Variants in RPS6KA2 observed in about 807,000 individuals in gnomAD.
RPS6KA2 encodes the protein ribosomal protein S6 kinase A2.
RPS6KA2 carries 42 observed loss-of-function variants against 91.8 expected under a neutral mutation model. The observed-to-expected ratio is 0.46, with a 90% CI of 0.36 to 0.59. The LOEUF (loss-of-function observed/expected upper bound fraction) is 0.59. RPS6KA2 is among the 20% of genes least tolerant of loss of function. The probability of loss-of-function intolerance (pLI) is 0.00; values close to 1 mark genes in which losing one functional copy is unlikely to be tolerated. For missense variants in RPS6KA2, 798 were observed against 978.5 expected, an observed-to-expected ratio of 0.82 and a Z score of 2.46; for synonymous variants, 414 against 393.6, an observed-to-expected ratio of 1.05 and a Z score of -0.61.
intron 2 of RPS6KA2, among the ~76,000 whole-genome samples, chr6:166,672,413 T>C (rs1247598370): frequency 1.3e-5 from 2 of 152,210 alleles, no homozygotes; most frequent in Non-Finnish European, 2.9e-5. Context: ...ATTAAAAAGA[T>C]ACTTAACTGA....
chr6:166,806,769 G>A (rs186265911), intron 2 of RPS6KA2, among the ~76,000 whole-genome samples: 10 of 151,906 alleles, frequency 6.6e-5, no homozygotes, highest in Admixed American at 3.9e-4. Flanking sequence ...TAACTCCACT[G>A]TTTGTTTTCT....
At position 166,419,973 on chromosome 6, in the gene RPS6KA2, C is replaced by T. The variant is rs371642797; in HGVS notation, c.1744-15G>A. ...CGCTTCAGGACCTAGGAGGGAACGA[C>T]AGGACACCGGCACGCCCTTCACTAA... On this transcript the variant is annotated splice_polypyrimidine_tract_variant and intron_variant, in intron 17 of 20. Coordinates refer to ENST00000265678, the MANE Select transcript of RPS6KA2 (RefSeq NM_021135.6). This position sits in a 1 kb window ranked among gnomAD's most constrained non-coding sequence, Gnocchi z 5.6. 15 of 1,612,256 alleles carry T rather than the reference C, an allele frequency of 9.3e-6. No homozygotes were observed. The highest frequency in any genetic ancestry group is 1.3e-5 in the Non-Finnish European group (15 of 1,178,678).
rs563371963 is a variant in RPS6KA2 at position 166,685,611 on chromosome 6, A to G, written c.124-146827T>C. ...TAGGGAAGATCTTGGATTCAAATCC[A>G]TAGACTCTTCCTGAGCTCCCACTGC... On this transcript the variant is annotated intron_variant, in intron 2 of 21. Transcript: ENST00000503859. 2.0e-5 allele frequency among the ~76,000 whole-genome samples: 3 copies of G among 152,318 alleles called. No individual in the cohort carries two copies. In the South Asian group the frequency reaches 6.2e-4, roughly 32 times the overall value.
chr6:166,607,581 G>A (rs901323841), intron 1 of RPS6KA2, among the ~76,000 whole-genome samples: 2 of 152,150 alleles, frequency 1.3e-5, no homozygotes, highest in African/African-American at 4.8e-5. Flanking sequence ...GCAACTCTAC[G>A]GAGACAGAAA....
chr6:166,611,685 T>C (rs184053128), intron 1 of RPS6KA2, among the ~76,000 whole-genome samples: 51 of 152,316 alleles, frequency 3.3e-4, no homozygotes, highest in African/African-American at 1.1e-3. Context: ...AGGGCTCCAA[T>C]CTCATTTCTC....
intron 2 of RPS6KA2, among the ~76,000 whole-genome samples, chr6:166,790,537 G>C (rs887447143): frequency 1.3e-5 from 2 of 152,152 alleles, no homozygotes; most frequent in Admixed American, 6.5e-5. Context: ...TCCTCGAGAA[G>C]AGCAACTCCA....
At chr6:166,492,794 C>A (rs746095466) in intron 8 of RPS6KA2, among the ~76,000 whole-genome samples, 2 of 151,258 alleles carry the variant, frequency 1.3e-5, no homozygotes, top group Non-Finnish European at 2.9e-5. Context: ...CGGCTCACTG[C>A]AACCTCCGCC....
intron 2 of RPS6KA2, among the ~76,000 whole-genome samples, chr6:166,856,047 G>C (rs1228303943): frequency 6.6e-6 from 1 of 152,168 alleles, no homozygotes; most frequent in Non-Finnish European, 1.5e-5. Flanking sequence ...AAAATGTAGA[G>C]AACACGACAA....
chr6:166,850,034 T>C (rs1458012771), intron 2 of RPS6KA2, among the ~76,000 whole-genome samples: 1 of 151,930 alleles, frequency 6.6e-6, no homozygotes, highest in Non-Finnish European at 1.5e-5. Flanking sequence ...GCGGAGGCGT[T>C]TCCTTCTTGG....
chr6:166,538,482 C>A (rs892802914), intron 2 of RPS6KA2, among the ~76,000 whole-genome samples, 186 bp downstream of exon 2: 6 of 152,194 alleles, frequency 3.9e-5, no homozygotes, highest in Non-Finnish European at 8.8e-5. Flanking sequence ...TCACCTGGCA[C>A]AGCCCAGCCC....
At chr6:166,630,937 G>A (rs1404982050), upstream of RPS6KA2, among the ~76,000 whole-genome samples, 2 of 152,190 alleles carry the variant, frequency 1.3e-5, no homozygotes, top group African/African-American at 4.8e-5. Flanking sequence ...GGGCACGTTC[G>A]GAGCAGGTGT....
In RPS6KA2 at chr6:166,748,468, G is replaced by A. The variant is rs548084256; in HGVS notation, c.123+109732C>T. Among the ~76,000 whole-genome samples the A allele has an allele frequency of 1.1e-4, 16 of 152,160 alleles. No homozygotes were observed. The South Asian group carries it at 2.5e-3, about 24-fold the overall frequency. The stretch of plus-strand genomic sequence containing the variant: ...GGGGAACTGCGCCGGGAAAGATGCC[G>A]GTGCGGGGCTGGAGGATGCTGGGCA... On this transcript the variant is annotated intron_variant, in intron 2 of 21. Transcript: ENST00000503859.
rs189812098 is a variant in RPS6KA2 at position 166,582,426 on chromosome 6, C to T, written c.100-43642G>A. ...AATGACCATATACTAACCCATCACG[C>T]TGACTGTTCACAGCTGCTCACCACC... On this transcript the variant is annotated intron_variant, in intron 1 of 20. Coordinates refer to ENST00000265678, the MANE Select transcript of RPS6KA2 (RefSeq NM_021135.6). Among the ~76,000 whole-genome samples the T allele has an allele frequency of 7.2e-4, 109 of 152,334 alleles. 3 individuals carry two copies. The highest frequency in any genetic ancestry group is 5.6e-3 in the Admixed American group (85 of 15,304).
At chr6:166,587,872 G>T (rs1785233282) in intron 1 of RPS6KA2, among the ~76,000 whole-genome samples, 1 of 152,120 alleles carries the variant, frequency 6.6e-6, no homozygotes, top group Non-Finnish European at 1.5e-5. Flanking sequence ...TCTCTGCCCT[G>T]TGGGGAAGAA....
At chr6:166,668,766 C>A (rs1788389099) in intron 2 of RPS6KA2, among the ~76,000 whole-genome samples, 1 of 152,130 alleles carries the variant, frequency 6.6e-6, no homozygotes, top group Non-Finnish European at 1.5e-5. Flanking sequence ...TAGCTTTTGC[C>A]AGAATTAAGA....
rs190233367 is a variant in RPS6KA2 at position 166,423,394 on chromosome 6, C to T, written c.1605G>A (p.Pro535=). The T allele has an allele frequency of 6.9e-5, 111 of 1,611,426 alleles. No homozygotes were observed. The highest frequency in any genetic ancestry group is 3.8e-4 in the Admixed American group (23 of 59,968). ...SQGVVHRDLK[P]SNILYRDESG... is the part of the protein sequence containing the mutation. Reference sequence around the variant, plus strand: ...ACTCATCCCTGTACAGGATGTTACTCGGCTTCAGGTCTCGATGAACAACCT... The same window carrying T: ...ACTCATCCCTGTACAGGATGTTACTTGGCTTCAGGTCTCGATGAACAACCT... Residue 535 remains proline, a synonymous_variant, in exon 17 of 21, where the codon CCG becomes CCA. Coordinates refer to ENST00000265678, the MANE Select transcript of RPS6KA2 (RefSeq NM_021135.6). The surrounding 1 kb of genome is among the most constrained non-coding windows in gnomAD (Gnocchi z 4.8).
At chr6:166,637,720 G>C (rs1787293904) in intron 2 of RPS6KA2, among the ~76,000 whole-genome samples, 1 of 152,268 alleles carries the variant, frequency 6.6e-6, no homozygotes, top group South Asian at 2.1e-4. Flanking sequence ...GGTGGACATT[G>C]AAATGTGTGT....
chr6:166,701,100 C>T, intron 2 of RPS6KA2: 1 of 1,608,796 alleles, frequency 6.2e-7, no homozygotes, highest in Non-Finnish European at 8.5e-7. Context: ...AGCCTTACTT[C>T]CGTCTTGACT....
chr6:166,757,493 C>T, intron 2 of RPS6KA2: 1 of 456,072 alleles, frequency 2.2e-6, no homozygotes, highest in South Asian at 1.6e-5. Context: ...GCCAAGCTCC[C>T]TGGGACCCCC....
Sources: gnomAD v4.1 joint callset for allele counts (sites outside exome capture counted in the v4.1 genomes callset) on GRCh38, gnomAD v4.1.1 for gene constraint, Gnocchi (gnomAD v3.1) non-coding constraint, MANE v1.5 for transcripts, NCBI Gene and HGNC (gene_info 2026-07-23, HGNC 2026-07-21) for gene names.